The following OSBPL8 variants were observed in gnomAD, a reference collection of about 807,000 sequenced individuals.
The protein encoded by OSBPL8 is oxysterol-binding protein-related protein 8.
A neutral mutation model predicts 125.5 loss-of-function variants in OSBPL8; 59 were observed. The ratio of observed to expected loss-of-function variants is 0.47; its 90% CI spans 0.38 to 0.58. The LOEUF (loss-of-function observed/expected upper bound fraction) is 0.58. Among genes scored for constraint, OSBPL8 ranks in the 20% least tolerant of loss-of-function variants. The probability of loss-of-function intolerance (pLI) is 0.00; values close to 1 mark genes in which losing one functional copy is unlikely to be tolerated. For synonymous variants in OSBPL8, 330 were observed against 338.9 expected, an observed-to-expected ratio of 0.97 and a Z score of 0.29; for missense variants, 758 against 1,047.8, an observed-to-expected ratio of 0.72 and a Z score of 3.82.
At chr12:76,505,761 A>G (rs1016378124) in intron 1 of OSBPL8, among the ~76,000 whole-genome samples, 6 of 152,100 alleles carry the variant, frequency 3.9e-5, no homozygotes, top group African/African-American at 1.4e-4. Context: ...AAGAATAGCA[A>G]AGAGACTACT....
chr12:76,368,578 C>T (rs1952505790), intron 21 of OSBPL8, among the ~76,000 whole-genome samples: 1 of 151,982 alleles, frequency 6.6e-6, no homozygotes, highest in African/African-American at 2.4e-5. Flanking sequence ...GTTCACCTCA[C>T]TTCATTCATT....
chr12:76,483,522 C>T (rs1185533174), intron 2 of OSBPL8, among the ~76,000 whole-genome samples: 1 of 151,814 alleles, frequency 6.6e-6, no homozygotes, highest in Non-Finnish European at 1.5e-5. Flanking sequence ...CGAGACCATG[C>T]CACTGCACTC....
intron 1 of OSBPL8, among the ~76,000 whole-genome samples, chr12:76,542,767 C>G (rs1008508042): frequency 6.6e-6 from 1 of 152,216 alleles, no homozygotes; most frequent in Non-Finnish European, 1.5e-5. Flanking sequence ...TAATAGTTTT[C>G]AAGAGACTTG....
chr12:76,431,447 A>G (rs916723278), intron 4 of OSBPL8, among the ~76,000 whole-genome samples: 8 of 152,188 alleles, frequency 5.3e-5, no homozygotes, highest in Non-Finnish European at 8.8e-5. Context: ...AAATGGACTA[A>G]AATTCCTAAT....
chr12:76,516,786 A>G (rs941467052), intron 1 of OSBPL8, among the ~76,000 whole-genome samples: 10 of 151,814 alleles, frequency 6.6e-5, no homozygotes, highest in African/African-American at 2.4e-4. Context: ...ATCAATGTCA[A>G]TGTCCCATTT....
chr12:76,430,899 G>A (rs1353554625), intron 4 of OSBPL8, among the ~76,000 whole-genome samples: 3 of 152,174 alleles, frequency 2.0e-5, no homozygotes, highest in Non-Finnish European at 4.4e-5. Flanking sequence ...ATGAGAAGAT[G>A]CTAAACAACA....
At chr12:76,405,809 C>T (rs1029137627) in intron 5 of OSBPL8, among the ~76,000 whole-genome samples, 1 of 152,210 alleles carries the variant, frequency 6.6e-6, no homozygotes, top group Admixed American at 6.5e-5. Context: ...TTATTGACCA[C>T]TCTCTTAATG....
intron 3 of OSBPL8, among the ~76,000 whole-genome samples, chr12:76,458,425 C>T (rs1374144861): frequency 6.6e-6 from 1 of 152,006 alleles, no homozygotes; most frequent in African/African-American, 2.4e-5. Flanking sequence ...CACGGTGGCT[C>T]ACACCTGTAA....
intron 1 of OSBPL8, among the ~76,000 whole-genome samples, chr12:76,517,079 G>A (rs1020926196): frequency 2.0e-5 from 3 of 152,146 alleles, no homozygotes; most frequent in Non-Finnish European, 4.4e-5. Flanking sequence ...CTCCCAAAGT[G>A]CTGGGATTAC....
chr12:76,495,126 G>A (rs1329281412), intron 1 of OSBPL8, among the ~76,000 whole-genome samples: 6 of 152,042 alleles, frequency 3.9e-5, no homozygotes, highest in Non-Finnish European at 8.8e-5. Context: ...TAACGAGAAC[G>A]TATTTAATTT....
At chr12:76,500,943 C>T (rs972650468) in intron 1 of OSBPL8, among the ~76,000 whole-genome samples, 162 of 152,328 alleles carry the variant, frequency 1.1e-3, no homozygotes, top group African/African-American at 3.6e-3. Context: ...AGTTCAGTTA[C>T]TACTGTGTAC....
chr12:76,376,725 C>T (rs555943917), intron 16 of OSBPL8, among the ~76,000 whole-genome samples: 2 of 152,166 alleles, frequency 1.3e-5, no homozygotes, highest in East Asian at 3.9e-4. Context: ...TAGACTAAGG[C>T]CATAAGTTAG....
At chr12:76,463,078 G>C (rs553253353) in intron 2 of OSBPL8, among the ~76,000 whole-genome samples, 1 of 152,288 alleles carries the variant, frequency 6.6e-6, no homozygotes, top group South Asian at 2.1e-4. Flanking sequence ...TGTTTTAACA[G>C]AATCACTCTG....
intron 4 of OSBPL8, among the ~76,000 whole-genome samples, chr12:76,438,588 G>A (rs1386468377): frequency 6.6e-6 from 1 of 152,178 alleles, no homozygotes; most frequent in Non-Finnish European, 1.5e-5. Flanking sequence ...TTGAGATGAA[G>A]TGTAAATAGT....
chr12:76,550,343 C>T (rs1482055241), intron 1 of OSBPL8, among the ~76,000 whole-genome samples: 4 of 152,124 alleles, frequency 2.6e-5, no homozygotes, highest in Non-Finnish European at 5.9e-5. Flanking sequence ...AAGGAATAAT[C>T]ATCTAAGCAC....
chr12:76,514,695 C>T (rs912840497), intron 1 of OSBPL8, among the ~76,000 whole-genome samples: 3 of 152,104 alleles, frequency 2.0e-5, no homozygotes, highest in Admixed American at 6.6e-5. Flanking sequence ...TGACTGTTGG[C>T]CTCTCTAGCA....
intron 1 of OSBPL8, among the ~76,000 whole-genome samples, chr12:76,531,798 G>C (rs1950345848): frequency 6.6e-6 from 1 of 152,082 alleles, no homozygotes; most frequent in Non-Finnish European, 1.5e-5. Flanking sequence ...AGCACTTTGG[G>C]AAGCCGAGGC....
At chr12:76,481,548 T>A (rs1292037503) in intron 2 of OSBPL8, among the ~76,000 whole-genome samples, 2 of 152,100 alleles carry the variant, frequency 1.3e-5, no homozygotes, top group Admixed American at 6.6e-5. Flanking sequence ...GAGGATCACT[T>A]AAGCCCAGGA....
intron 1 of OSBPL8, among the ~76,000 whole-genome samples, chr12:76,556,681 T>C (rs1951110426): frequency 6.6e-6 from 1 of 152,230 alleles, no homozygotes; most frequent in African/African-American, 2.4e-5. Context: ...TGGTGTTTTT[T>C]GAGACTGAGT....
Sources: allele counts gnomAD v4.1 joint callset (sites outside exome capture counted in the v4.1 genomes callset), GRCh38; gene constraint gnomAD v4.1.1; transcripts MANE v1.5; gene names NCBI Gene and HGNC (gene_info 2026-07-23, HGNC 2026-07-21).